The following CRB1 variants were observed in gnomAD, a reference collection of about 807,000 sequenced individuals.
CRB1 encodes the protein protein crumbs homolog 1.
In CRB1, 83 loss-of-function variants were observed where a neutral mutation model predicts 120.0. The observed-to-expected ratio is 0.69, with a 90% confidence interval of 0.58 to 0.83. The LOEUF is 0.83. Among genes scored for constraint, CRB1 ranks in the 40% least tolerant of loss-of-function variants. CRB1 has a pLI of 0.00. For synonymous variants in CRB1, 625 were observed against 612.5 expected (o/e 1.02, Z -0.30); for missense variants, 1,699 against 1,687.6 (o/e 1.01, Z -0.12).
chr1:197,215,166 T>A, the CRB1 span, among the ~76,000 whole-genome samples: 2 of 152,076 alleles, frequency 1.3e-5, no homozygotes, highest in Non-Finnish European at 2.9e-5. Context: ...AGAATGTACA[T>A]CAGCATAATA....
At chr1:197,397,287 A>G (rs1420697246) in intron 5 of CRB1, among the ~76,000 whole-genome samples, 1 of 152,122 alleles carries the variant, frequency 6.6e-6, no homozygotes, top group Non-Finnish European at 1.5e-5. Flanking sequence ...AGAAGGAAGG[A>G]GAGAGAGTAG....
At position 197,344,324 on chromosome 1, in the gene CRB1, T is replaced by C; in HGVS notation, c.696T>C (p.Pro232=). 6.2e-7 allele frequency: 1 copy of C among 1,614,200 alleles called. No homozygotes were observed. Among genetic ancestry groups the C allele is most frequent in the Non-Finnish European group, 8.5e-7 (1 of 1,180,020 alleles). The part of the protein sequence containing the change: ...ELEIDECWSQ[P]CLNGATCQDA... ...AAATTGACGAATGTTGGTCCCAGCC[T>C]TGTTTAAATGGTGCAACTTGTCAGG... is the stretch of plus-strand genomic sequence containing the variant. The change falls in exon 3 of 12, where the codon CCT becomes CCC. Residue 232 remains proline (P), a synonymous_variant. Transcript: ENST00000367400.
chr1:197,379,456 C>T (rs375422091), intron 5 of CRB1, among the ~76,000 whole-genome samples: 16 of 151,672 alleles, frequency 1.1e-4, no homozygotes, highest in Admixed American at 7.9e-4. Flanking sequence ...CCCGCCACCA[C>T]GCCTGGCAAA....
intron 11 of CRB1, among the ~76,000 whole-genome samples, chr1:197,445,963 G>T (rs1665678255): frequency 6.6e-6 from 1 of 152,160 alleles, no homozygotes; most frequent in African/African-American, 2.4e-5. Flanking sequence ...GCCGAGGTGG[G>T]TGGATGACCT....
At chr1:197,233,236 G>A in the CRB1 span, among the ~76,000 whole-genome samples, 2 of 152,232 alleles carry the variant, frequency 1.3e-5, no homozygotes, top group South Asian at 2.1e-4. Flanking sequence ...TGATCCACTG[G>A]TCTGATCTCT....
In CRB1 at chr1:197,427,350, T is replaced by C. The variant is rs1664634090; in HGVS notation, c.2129-104T>C. 1.1e-5 allele frequency: 9 copies of C among 847,580 alleles called. No individual in the cohort carries two copies. In the South Asian group the frequency reaches 1.1e-4, roughly 11 times the overall value. The allele number at this position is 847,580 out of a possible 1,614,324, so 52.5% of individuals were successfully genotyped here. A position where few individuals can be genotyped will look rare whatever the true frequency, so the allele number is the denominator to read the frequency against. On this transcript the variant is annotated intron_variant, in intron 6 of 11. Transcript: ENST00000367400. ...GTATGAGTGTGTATGCTTGTGTGCATGTGTGTGTGTGAAATGTATAATTTT... is the reference window on the plus strand; with the variant it reads ...GTATGAGTGTGTATGCTTGTGTGCACGTGTGTGTGTGAAATGTATAATTTT...
At chr1:197,266,127 G>T (rs535178556), upstream of CRB1, among the ~76,000 whole-genome samples, 1 of 152,078 alleles carries the variant, frequency 6.6e-6, no homozygotes, top group East Asian at 1.9e-4. Context: ...TCCTTTTTCT[G>T]TAAAACTCTT....
the CRB1 span, among the ~76,000 whole-genome samples, chr1:197,228,777 C>A: frequency 6.6e-6 from 1 of 152,084 alleles, no homozygotes; most frequent in Non-Finnish European, 1.5e-5. Flanking sequence ...TAAAGACATA[C>A]CCTAGACTGG....
intron 5 of CRB1, among the ~76,000 whole-genome samples, chr1:197,362,884 A>G (rs892213990): frequency 6.6e-6 from 1 of 152,136 alleles, no homozygotes. Context: ...ATGTTTAAGT[A>G]ATTATTAATA....
chr1:197,210,105 T>G, the CRB1 span, among the ~76,000 whole-genome samples: 1 of 152,194 alleles, frequency 6.6e-6, no homozygotes, highest in East Asian at 1.9e-4. Context: ...TATTCACCAT[T>G]TTTTCCCTAT....
chr1:197,241,659 G>A, the CRB1 span, among the ~76,000 whole-genome samples: 1 of 150,714 alleles, frequency 6.6e-6, no homozygotes, highest in South Asian at 2.1e-4. Flanking sequence ...TGTTCTTTTT[G>A]CTTAGGATTG....
chr1:197,454,984 C>T (rs1232309932), intron 11 of CRB1, among the ~76,000 whole-genome samples: 5 of 152,066 alleles, frequency 3.3e-5, no homozygotes, highest in African/African-American at 9.7e-5. Flanking sequence ...TCTCTAATTT[C>T]GTGAATCATA....
chr1:197,336,990 A>C (rs937947509), intron 2 of CRB1, among the ~76,000 whole-genome samples: 1 of 152,220 alleles, frequency 6.6e-6, no homozygotes, highest in African/African-American at 2.4e-5. Context: ...TCAAGGGAGA[A>C]GGACTGCAGA....
the CRB1 span, among the ~76,000 whole-genome samples, chr1:197,204,369 C>T: frequency 3.9e-5 from 6 of 152,278 alleles, no homozygotes; most frequent in African/African-American, 1.2e-4. Context: ...TTTTCCATAG[C>T]GGTTGTACTA....
At chr1:197,265,903 A>G (rs1435114980), upstream of CRB1, among the ~76,000 whole-genome samples, 1 of 152,134 alleles carries the variant, frequency 6.6e-6, no homozygotes, top group Non-Finnish European at 1.5e-5. Flanking sequence ...TGCTAGATTT[A>G]TCTTTCTAAG....
At chr1:197,319,454 A>AAAAAAAAAAAAAAG (rs1558050892) in intron 1 of CRB1, among the ~76,000 whole-genome samples, 1 of 140,242 alleles carries the variant, frequency 7.1e-6, no homozygotes, top group African/African-American at 3.1e-5. Context: ...AAAAAAAAAA[A>AAAAAAAAAAAAAAG]AAAAGAAAGA....
At chr1:197,318,059 G>A (rs942890466) in intron 1 of CRB1, among the ~76,000 whole-genome samples, 1 of 151,684 alleles carries the variant, frequency 6.6e-6, no homozygotes, top group Non-Finnish European at 1.5e-5. Context: ...AGAGCAAAGA[G>A]GCAACCTATA....
chr1:197,294,872 C>T (rs906413175), intron 1 of CRB1, among the ~76,000 whole-genome samples: 2 of 151,986 alleles, frequency 1.3e-5, no homozygotes, highest in South Asian at 2.1e-4. Context: ...CACTTGGACA[C>T]AGGAAGGGGA....
chr1:197,319,891 A>C (rs1255452584), intron 1 of CRB1, among the ~76,000 whole-genome samples: 1 of 152,168 alleles, frequency 6.6e-6, no homozygotes. Context: ...TTAGAAATAG[A>C]CCTGAGGTAA....
Sources: allele counts gnomAD v4.1 joint callset (sites outside exome capture counted in the v4.1 genomes callset), GRCh38; gene constraint gnomAD v4.1.1; transcripts MANE v1.5; gene names NCBI Gene and HGNC (gene_info 2026-07-23, HGNC 2026-07-21).